FAM110B: variants seen among roughly 807,000 people sequenced by gnomAD.
FAM110B encodes family with sequence similarity 110 member B, also known as protein FAM110B.
Under a neutral mutation model 20.4 loss-of-function variants are expected in FAM110B, and 6 were observed. The ratio of observed to expected loss-of-function variants is 0.29; its 90% CI spans 0.16 to 0.58. FAM110B has a LOEUF of 0.58. Ranked by LOEUF, FAM110B falls within the 20% of genes least tolerant of loss-of-function variation. FAM110B has a pLI of 0.90. For missense variants in FAM110B, 434 were observed against 498.2 expected (o/e 0.87, Z 1.23); for synonymous variants, 226 against 214.1 (o/e 1.06, Z -0.49).
At chr8:58,085,525 A>G (rs1563364457) in intron 3 of FAM110B, among the ~76,000 whole-genome samples, 1 of 152,166 alleles carries the variant, frequency 6.6e-6, no homozygotes, top group Non-Finnish European at 1.5e-5. Context: ...GAAAACAAAC[A>G]AAAAGTTGAT....
rs763429337 is a variant in FAM110B at position 58,146,490 on chromosome 8, C to T, written c.260C>T (p.Pro87Leu). ...PAVLAKPPVC[P>L]AAKRALGSPT... ...GTGCTGGCCAAGCCCCCGGTGTGCC[C>T]GGCTGCCAAGCGCGCACTGGGCAGC... Residue 87 changes from proline (P) to leucine (L), a missense_variant, in exon 4 of 4, where the codon CCG (proline) becomes CTG (leucine). Coordinates refer to ENST00000519262, the MANE Select transcript of FAM110B (RefSeq NM_001377989.1). 15 of 1,613,566 alleles carry T rather than the reference C, an allele frequency of 9.3e-6. No homozygotes were observed. The highest frequency in any genetic ancestry group is 1.1e-5 in the Non-Finnish European group (13 of 1,179,784).
At chr8:58,063,573 C>T (rs764436998) in intron 2 of FAM110B, among the ~76,000 whole-genome samples, 1 of 152,088 alleles carries the variant, frequency 6.6e-6, no homozygotes, top group Non-Finnish European at 1.5e-5. Context: ...TCTAAAAACC[C>T]GAAATCTGAA....
At chr8:58,052,432 T>G (rs998947370) in intron 2 of FAM110B, among the ~76,000 whole-genome samples, 1 of 152,182 alleles carries the variant, frequency 6.6e-6, no homozygotes, top group African/African-American at 2.4e-5. Flanking sequence ...CAATAATTAT[T>G]TATTGATAAC....
chr8:58,114,478 A>C (rs947435345), intron 3 of FAM110B, among the ~76,000 whole-genome samples: 7 of 152,176 alleles, frequency 4.6e-5, no homozygotes, highest in African/African-American at 1.7e-4. Flanking sequence ...TGCTGACCTC[A>C]GTAGTTTTGT....
At chr8:58,018,062 G>T (rs1804674873) in intron 1 of FAM110B, among the ~76,000 whole-genome samples, 1 of 152,078 alleles carries the variant, frequency 6.6e-6, no homozygotes, top group Non-Finnish European at 1.5e-5. Flanking sequence ...ATTTCACAGG[G>T]CTATAGAATG....
intron 3 of FAM110B, among the ~76,000 whole-genome samples, chr8:58,128,381 A>G (rs1008375087): frequency 6.6e-6 from 1 of 152,146 alleles, no homozygotes; most frequent in East Asian, 1.9e-4. Context: ...AAGTGCTCTC[A>G]GAGAATTCTA....
chr8:58,125,432 C>A (rs1807474626), intron 3 of FAM110B, among the ~76,000 whole-genome samples: 1 of 152,200 alleles, frequency 6.6e-6, no homozygotes, highest in Admixed American at 6.5e-5. Context: ...AATGCAGTGT[C>A]AATTTAATAT....
At chr8:58,039,753 A>G (rs1164914106) in intron 2 of FAM110B, among the ~76,000 whole-genome samples, 1 of 151,980 alleles carries the variant, frequency 6.6e-6, no homozygotes, top group African/African-American at 2.4e-5. Context: ...TTAAACATAC[A>G]CACACACATA....
At chr8:58,080,339 C>G (rs1012150433) in intron 3 of FAM110B, among the ~76,000 whole-genome samples, 1 of 152,022 alleles carries the variant, frequency 6.6e-6, no homozygotes, top group African/African-American at 2.4e-5. Context: ...TCTGTAGAAA[C>G]CATGAAAATC....
At chr8:57,994,884 C>T (rs1481654997) in intron 1 of FAM110B, 78 bp downstream of exon 1, 1 of 152,300 alleles carries the variant, frequency 6.6e-6, no homozygotes, top group Non-Finnish European at 1.5e-5. Flanking sequence ...CGCGCCGCGC[C>T]CCGACTGCGG....
intron 3 of FAM110B, among the ~76,000 whole-genome samples, chr8:58,112,900 A>T (rs1474588895): frequency 1.3e-5 from 2 of 152,206 alleles, no homozygotes; most frequent in African/African-American, 2.4e-5. Flanking sequence ...AGTAGCTTAA[A>T]CTACAGACAT....
intron 3 of FAM110B, among the ~76,000 whole-genome samples, chr8:58,131,376 C>T (rs1047810233): frequency 2.0e-5 from 3 of 152,098 alleles, no homozygotes; most frequent in East Asian, 1.9e-4. Flanking sequence ...TCACCTCCCC[C>T]GCAACCCCAT....
intron 1 of FAM110B, among the ~76,000 whole-genome samples, chr8:58,026,099 C>T (rs1243420936): frequency 1.3e-5 from 2 of 152,204 alleles, no homozygotes; most frequent in Admixed American, 1.3e-4. Context: ...ATCCCCTTTA[C>T]CCCTGCTACA....
chr8:58,105,802 C>A (rs1270128597), intron 3 of FAM110B, among the ~76,000 whole-genome samples: 1 of 151,894 alleles, frequency 6.6e-6, no homozygotes, highest in African/African-American at 2.4e-5. Flanking sequence ...AATCTCCTGA[C>A]CTTGTGATCC....
intron 2 of FAM110B, among the ~76,000 whole-genome samples, chr8:58,051,729 G>A (rs1165291925): frequency 6.6e-6 from 1 of 152,156 alleles, no homozygotes; most frequent in Non-Finnish European, 1.5e-5. Flanking sequence ...ATGTATATTA[G>A]TATTAAGTGC....
intron 2 of FAM110B, among the ~76,000 whole-genome samples, chr8:58,055,583 A>T (rs1805529433): frequency 6.6e-6 from 1 of 152,246 alleles, no homozygotes; most frequent in African/African-American, 2.4e-5. Flanking sequence ...TTTTCAAAGC[A>T]TGGCATTCTC....
At chr8:58,093,263 A>G (rs550111485) in intron 3 of FAM110B, among the ~76,000 whole-genome samples, 5 of 152,090 alleles carry the variant, frequency 3.3e-5, no homozygotes, top group Non-Finnish European at 7.4e-5. Flanking sequence ...ATTAGATCCC[A>G]TTCGTCAATT....
chr8:58,132,526 G>A (rs1352075692), intron 3 of FAM110B, among the ~76,000 whole-genome samples: 1 of 152,170 alleles, frequency 6.6e-6, no homozygotes, highest in South Asian at 2.1e-4. Flanking sequence ...CCCCGAGGTG[G>A]ACAGCAGCTC....
chr8:58,039,717 C>G (rs150206774), intron 2 of FAM110B, among the ~76,000 whole-genome samples: 1 of 152,124 alleles, frequency 6.6e-6, no homozygotes, highest in Non-Finnish European at 1.5e-5. Flanking sequence ...TAGTCTCCCC[C>G]TCTGGAGGTC....
Sources: gnomAD v4.1 joint callset for allele counts (sites outside exome capture counted in the v4.1 genomes callset) on GRCh38, gnomAD v4.1.1 for gene constraint, MANE v1.5 for transcripts, NCBI Gene and HGNC (gene_info 2026-07-23, HGNC 2026-07-21) for gene names.